The following NRXN1 variants were observed in gnomAD, a reference collection of about 807,000 sequenced individuals.
NRXN1 encodes neurexin 1, also known as neurexin-1.
Under a neutral mutation model 150.9 loss-of-function variants are expected in NRXN1, and 39 were observed. The observed-to-expected ratio is 0.26, with a 90% CI of 0.20 to 0.34. The LOEUF (loss-of-function observed/expected upper bound fraction) is 0.34, where lower values mean the gene tolerates loss of function less well. Among genes scored for constraint, NRXN1 ranks in the 10% least tolerant of loss-of-function variants. NRXN1 has a pLI of 1.00. For synonymous variants in NRXN1, 924 were observed against 757.0 expected, an observed-to-expected ratio of 1.22 and a Z score of -3.62; for missense variants, 1,815 against 1,949.9, an observed-to-expected ratio of 0.93 and a Z score of 1.30.
chr2:49,979,227 G>A (rs1401579016), intron 21 of NRXN1, among the ~76,000 whole-genome samples: 1 of 152,160 alleles, frequency 6.6e-6, no homozygotes, highest in Non-Finnish European at 1.5e-5. Context: ...AACCCAGGAG[G>A]TGGAGGTTGC....
intron 5 of NRXN1, among the ~76,000 whole-genome samples, chr2:50,840,393 T>C (rs538866354): frequency 1.3e-5 from 2 of 152,284 alleles, no homozygotes; most frequent in African/African-American, 4.8e-5. Context: ...CAATTTTCTC[T>C]CACTATGTAA....
chr2:50,695,631 G>A (rs910905654), intron 5 of NRXN1, among the ~76,000 whole-genome samples: 2 of 152,152 alleles, frequency 1.3e-5, no homozygotes, highest in Admixed American at 1.3e-4. Flanking sequence ...AAATTTGAGA[G>A]ATTAAAATAT....
intron 5 of NRXN1, among the ~76,000 whole-genome samples, 181 bp from the exon 6 acceptor site, chr2:50,623,796 A>G (rs1680490280): frequency 6.6e-6 from 1 of 152,058 alleles, no homozygotes; most frequent in African/African-American, 2.4e-5. Flanking sequence ...AAATTTTATT[A>G]TTATTATACT....
At chr2:50,832,817 G>A (rs766824381) in intron 5 of NRXN1, among the ~76,000 whole-genome samples, 1 of 152,208 alleles carries the variant, frequency 6.6e-6, no homozygotes, top group Non-Finnish European at 1.5e-5. Flanking sequence ...GAGATATAGT[G>A]AGAAAGCATG....
At chr2:50,210,749 G>A (rs955962680) in intron 18 of NRXN1, among the ~76,000 whole-genome samples, 1 of 151,394 alleles carries the variant, frequency 6.6e-6, no homozygotes, top group African/African-American at 2.4e-5. Context: ...GTAGAAAATA[G>A]ATAATGTACT....
Position 50,485,862 on chromosome 2 carries a change from C to CAA in NRXN1, c.3070+10041_3070+10042dup, listed in dbSNP as rs911836786. On this transcript the variant is annotated intron_variant, in intron 15 of 22. Transcript: ENST00000401669. ...CCCAACATCAGTTGATGTGCCTTGT[C>CAA]AAAAAGCTGTCGAAAGATAATTGCA... Among the ~76,000 whole-genome samples, 8 of 152,334 alleles carry CAA rather than the reference C, an allele frequency of 5.3e-5. No individual in the cohort carries two copies. The South Asian group carries it at 1.2e-3, about 24-fold the overall frequency.
chr2:50,355,971 G>C (rs569780391), intron 17 of NRXN1, among the ~76,000 whole-genome samples: 1 of 151,970 alleles, frequency 6.6e-6, no homozygotes, highest in South Asian at 2.1e-4. Context: ...ATTTTAATTT[G>C]AATGCTAAGT....
chr2:50,796,434 T>G (rs958212395), intron 5 of NRXN1, among the ~76,000 whole-genome samples: 1 of 152,138 alleles, frequency 6.6e-6, no homozygotes, highest in East Asian at 1.9e-4. Flanking sequence ...AGGTATGGAA[T>G]GAATGAACCC....
intron 18 of NRXN1, among the ~76,000 whole-genome samples, chr2:50,206,815 A>G (rs933226513): frequency 6.6e-6 from 1 of 151,008 alleles, no homozygotes; most frequent in African/African-American, 2.4e-5. Flanking sequence ...AATGTAATAT[A>G]TATTTTATTT....
At chr2:50,653,586 T>C (rs1485008801) in intron 5 of NRXN1, among the ~76,000 whole-genome samples, 1 of 152,078 alleles carries the variant, frequency 6.6e-6, no homozygotes, top group Non-Finnish European at 1.5e-5. Context: ...TTAATTCAAT[T>C]TCATACATAT....
intron 18 of NRXN1, among the ~76,000 whole-genome samples, chr2:50,102,382 T>C (rs1326467286): frequency 1.3e-5 from 2 of 152,046 alleles, no homozygotes; most frequent in Non-Finnish European, 2.9e-5. Context: ...TTTTCCTCAA[T>C]TGCATGGTTT....
intron 17 of NRXN1, among the ~76,000 whole-genome samples, chr2:50,352,945 T>C (rs1213595576): frequency 2.6e-5 from 4 of 152,074 alleles, no homozygotes; most frequent in South Asian, 2.1e-4. Context: ...CAACCACCGA[T>C]AGTCCAGTCA....
At chr2:50,242,192 G>C (rs1204286164) in intron 17 of NRXN1, among the ~76,000 whole-genome samples, 1 of 151,702 alleles carries the variant, frequency 6.6e-6, no homozygotes, top group Non-Finnish European at 1.5e-5. Context: ...TAAAGCATTT[G>C]TAAGTAAGGG....
chr2:50,230,565 G>A (rs1329859123), intron 18 of NRXN1, among the ~76,000 whole-genome samples: 1 of 152,054 alleles, frequency 6.6e-6, no homozygotes, highest in African/African-American at 2.4e-5. Flanking sequence ...AGCTGAGAAA[G>A]TGAGGCAGCA....
chr2:50,621,276 A>T, intron 6 of NRXN1, 27 bp from the exon 7 acceptor site: 1 of 1,538,118 alleles, frequency 6.5e-7, no homozygotes. Flanking sequence ...GGAGAAAGGA[A>T]ATTAAAAACT....
intron 17 of NRXN1, among the ~76,000 whole-genome samples, chr2:50,301,485 G>C (rs1386700950): frequency 6.6e-6 from 1 of 152,122 alleles, no homozygotes; most frequent in Non-Finnish European, 1.5e-5. Context: ...TAAGTTAACA[G>C]GTAATCTGTC....
chr2:50,589,944 T>A (rs1004870859), intron 8 of NRXN1, among the ~76,000 whole-genome samples: 1 of 152,196 alleles, frequency 6.6e-6, no homozygotes, highest in African/African-American at 2.4e-5. Context: ...TTATTCACTA[T>A]TATATCCTTA....
chr2:50,983,548 C>T (rs2104909249), intron 2 of NRXN1, among the ~76,000 whole-genome samples: 1 of 152,190 alleles, frequency 6.6e-6, no homozygotes, highest in East Asian at 1.9e-4. Context: ...TCTTCAAACA[C>T]AGGACAGTTA....
chr2:50,954,865 A>G (rs1692012557), intron 2 of NRXN1, among the ~76,000 whole-genome samples: 1 of 152,196 alleles, frequency 6.6e-6, no homozygotes, highest in Non-Finnish European at 1.5e-5. Context: ...TGATGGTATC[A>G]CCAACTGGGT....
Sources: gnomAD v4.1 joint callset for allele counts (sites outside exome capture counted in the v4.1 genomes callset) on GRCh38, gnomAD v4.1.1 for gene constraint, MANE v1.5 for transcripts, NCBI Gene and HGNC (gene_info 2026-07-23, HGNC 2026-07-21) for gene names.